The following CLTCL1 variants were observed in gnomAD, a reference collection of about 807,000 sequenced individuals.
The protein encoded by CLTCL1 is clathrin heavy chain like 1.
CLTCL1 carries 159 observed loss-of-function variants against 190.0 expected under a neutral mutation model. The ratio of observed to expected loss-of-function variants is 0.84; its 90% CI spans 0.74 to 0.95. The LOEUF (loss-of-function observed/expected upper bound fraction) is 0.95. Among genes scored for constraint, CLTCL1 ranks in the 40% least tolerant of loss-of-function variants. The probability of loss-of-function intolerance (pLI) is 0.00; values close to 1 mark genes in which losing one functional copy is unlikely to be tolerated. For synonymous variants in CLTCL1, 752 were observed against 769.6 expected, an observed-to-expected ratio of 0.98 and a Z score of 0.38; for missense variants, 1,878 against 2,033.4, an observed-to-expected ratio of 0.92 and a Z score of 1.47.
intron 3 of CLTCL1, among the ~76,000 whole-genome samples, chr22:19,245,773 T>G (rs1569217991): frequency 6.6e-6 from 1 of 152,208 alleles, no homozygotes; most frequent in Non-Finnish European, 1.5e-5. Context: ...ATATGAGGCC[T>G]TTTGTGCCTC....
At chr22:19,183,247 C>T in intron 30 of CLTCL1, 143 bp downstream of exon 30, 1 of 664,804 alleles carries the variant, frequency 1.5e-6, no homozygotes, top group Non-Finnish European at 2.6e-6. Flanking sequence ...GGAAAGCAGC[C>T]ACTCCTGAAG....
At chr22:19,281,827 T>C (rs1555986919) in intron 1 of CLTCL1, among the ~76,000 whole-genome samples, 2 of 152,190 alleles carry the variant, frequency 1.3e-5, no homozygotes, top group Admixed American at 6.5e-5. Flanking sequence ...CATAGTGGGT[T>C]CTTAAATAAT....
chr22:19,186,643 C>T (rs1423958775), intron 29 of CLTCL1, among the ~76,000 whole-genome samples: 11 of 151,922 alleles, frequency 7.2e-5, no homozygotes, highest in African/African-American at 1.9e-4. Flanking sequence ...CTCTGTCACC[C>T]GGGATGGAAT....
At chr22:19,222,158 C>G (rs556738590) in intron 15 of CLTCL1, 65 bp from the exon 16 acceptor site, 2 of 1,563,338 alleles carry the variant, frequency 1.3e-6, no homozygotes, top group South Asian at 2.3e-5. Flanking sequence ...AAGCCTCCTA[C>G]GACGTGGACA....
intron 1 of CLTCL1, among the ~76,000 whole-genome samples, chr22:19,285,835 G>A (rs571481600): frequency 2.6e-5 from 4 of 152,292 alleles, no homozygotes; most frequent in African/African-American, 9.6e-5. Flanking sequence ...AGGGAATACT[G>A]ATAAACAACA....
Position 19,233,245 on chromosome 22 carries a change from C to A in CLTCL1, c.1442G>T (p.Arg481Leu), listed in dbSNP as rs116398959. The A allele has an allele frequency of 6.2e-7, 1 of 1,613,832 alleles. No individual in the cohort carries two copies. Among genetic ancestry groups the A allele is most frequent in the African/African-American group, 1.3e-5 (1 of 74,906 alleles). Residue 481 changes from arginine to leucine, a missense_variant, in exon 9 of 33, where the codon CGG becomes CTG. Coordinates refer to ENST00000427926, the MANE Select transcript of CLTCL1 (RefSeq NM_007098.4). Reference sequence around the variant, plus strand: ...GATCACTTTGCTTGGCACATTTGCCCGAAGGTACACACTCAGAGCGAGCAT... The same window carrying A: ...GATCACTTTGCTTGGCACATTTGCCAGAAGGTACACACTCAGAGCGAGCAT... ...DPMLALSVYL[R>L]ANVPSKVIQC...
In CLTCL1 at chr22:19,246,791, T is replaced by C. The variant is rs560335442; in HGVS notation, c.520-3855A>G. 4.6e-5 allele frequency among the ~76,000 whole-genome samples: 7 copies of C among 152,316 alleles called. No individual in the cohort carries two copies. The South Asian group carries it at 1.5e-3, about 32-fold the overall frequency. On this transcript the variant is annotated intron_variant, in intron 3 of 32. Coordinates refer to ENST00000427926, the MANE Select transcript of CLTCL1 (RefSeq NM_007098.4). ...AGTGGTACTTCATTGTGGTTTTGAA[T>C]TGCATTTTCCTAATGGCTAATGATG...
chr22:19,202,830 C>G (rs1555940693), intron 22 of CLTCL1, among the ~76,000 whole-genome samples: 1 of 152,194 alleles, frequency 6.6e-6, no homozygotes, highest in African/African-American at 2.4e-5. Context: ...ATCAGGAGAG[C>G]CTTTCACAGC....
At position 19,235,530 on chromosome 22, in the gene CLTCL1, TCTGAAGA is replaced by T. The variant is rs1555961508; in HGVS notation, c.969+159_969+165del. Among the ~76,000 whole-genome samples the T allele has an allele frequency of 2.6e-5, 4 of 152,216 alleles. No individual in the cohort carries two copies. In the East Asian group the frequency reaches 7.7e-4, roughly 29 times the overall value. On this transcript the variant is annotated intron_variant, in intron 6 of 32. Coordinates refer to ENST00000427926, the MANE Select transcript of CLTCL1 (RefSeq NM_007098.4). ...CAATCCTGTGTTAGGAATGGTGCTG[TCTGAAGA>T]GAGGAAGTGTCAATATGAAGGAGGA...
chr22:19,186,642 C>A (rs1412419405), intron 29 of CLTCL1, among the ~76,000 whole-genome samples: 1 of 151,918 alleles, frequency 6.6e-6, no homozygotes, highest in Non-Finnish European at 1.5e-5. Context: ...ACTCTGTCAC[C>A]CGGGATGGAA....
intron 4 of CLTCL1, 104 bp downstream of exon 4, chr22:19,242,671 C>T (rs807463): frequency 0.077 from 96,273 of 1,249,204 alleles, 4,120 homozygotes; most frequent in Middle Eastern, 0.14. Flanking sequence ...ATGAACCTTT[C>T]CTCACACAGA....
At position 19,180,233 on chromosome 22, in the gene CLTCL1, C is replaced by A. The variant is rs2084084400; in HGVS notation, c.4909G>T (p.Asp1637Tyr). The change falls in exon 32 of 33, where the codon GAT (aspartate) becomes TAT (tyrosine). Residue 1637 changes from aspartate (D) to tyrosine (Y), a missense_variant. Asp to Tyr is a radical substitution (Grantham distance 160). Transcript: ENST00000427926. ...TCAGCTGGGTCTCATTCATGCCCAT[C>A]AAAATCTAAAAAAACCAGAATGACA... Reference protein sequence around the residue: ...TEPAPLVFDFDGHE With the variant: ...TEPAPLVFDFYGHE The A allele has an allele frequency of 6.2e-7, 1 of 1,613,652 alleles. No homozygotes were observed. The highest frequency in any genetic ancestry group is 1.3e-5 in the African/African-American group (1 of 74,904).
chr22:19,206,717 A>G (rs932266921), intron 22 of CLTCL1, among the ~76,000 whole-genome samples: 1 of 152,110 alleles, frequency 6.6e-6, no homozygotes, highest in African/African-American at 2.4e-5. Context: ...GATTACAGGC[A>G]TGAGCCACTG....
chr22:19,257,058 C>T (rs1306598933), intron 2 of CLTCL1, among the ~76,000 whole-genome samples: 1 of 152,088 alleles, frequency 6.6e-6, no homozygotes, highest in Admixed American at 6.6e-5. Flanking sequence ...ACTCAATAGG[C>T]CCAAACACAT....
intron 4 of CLTCL1, among the ~76,000 whole-genome samples, chr22:19,241,141 C>G (rs2086241180): frequency 6.6e-6 from 1 of 152,238 alleles, no homozygotes; most frequent in Non-Finnish European, 1.5e-5. Flanking sequence ...CAGAAGACCT[C>G]CTGGTCCATC....
At chr22:19,226,665 C>T (rs2085755894) in intron 11 of CLTCL1, among the ~76,000 whole-genome samples, 1 of 152,212 alleles carries the variant, frequency 6.6e-6, no homozygotes, top group Admixed American at 6.5e-5. Flanking sequence ...AAGGCTGAGG[C>T]TCCATAAAGC....
intron 26 of CLTCL1, among the ~76,000 whole-genome samples, chr22:19,194,711 C>T (rs1569154881): frequency 6.6e-6 from 1 of 152,232 alleles, no homozygotes; most frequent in East Asian, 1.9e-4. Context: ...TGGAGAGAGA[C>T]AGTGAATGGC....
intron 3 of CLTCL1, among the ~76,000 whole-genome samples, chr22:19,252,436 C>T (rs2086620734): frequency 6.6e-6 from 1 of 152,182 alleles, no homozygotes; most frequent in African/African-American, 2.4e-5. Flanking sequence ...TGTGCCTTTG[C>T]ATACACTGTG....
intron 3 of CLTCL1, among the ~76,000 whole-genome samples, chr22:19,244,668 A>C (rs1305439763): frequency 1.3e-5 from 2 of 152,242 alleles, no homozygotes; most frequent in Non-Finnish European, 2.9e-5. Flanking sequence ...CAGAACAGCC[A>C]AGGTGAAGGT....
Sources: allele counts gnomAD v4.1 joint callset (sites outside exome capture counted in the v4.1 genomes callset), GRCh38; gene constraint gnomAD v4.1.1; transcripts MANE v1.5; gene names NCBI Gene and HGNC (gene_info 2026-07-23, HGNC 2026-07-21).